The following ACP6 variants were observed in gnomAD, a reference collection of about 807,000 sequenced individuals.
ACP6 encodes the protein lysophosphatidic acid phosphatase type 6.
A neutral mutation model predicts 48.1 loss-of-function variants in ACP6; 48 were observed. That is an observed-to-expected ratio of 1.00 (90% CI 0.79 to 1.27). The LOEUF is 1.27. ACP6 is among the 50% of genes most tolerant of loss of function. ACP6 has a pLI of 0.00. For synonymous variants in ACP6, 172 were observed against 204.2 expected (o/e 0.84, Z 1.34); for missense variants, 485 against 529.1 (o/e 0.92, Z 0.82).
rs1389753653 is a variant in ACP6, at chr1:147,645,414, CT to C, written c.*2008del. On this transcript the variant is annotated 3_prime_UTR_variant, in exon 10 of 10. Transcript: ENST00000583509. Reference sequence around the variant, plus strand: ...TCAAACTGGAAATTCTTGAGATCACCTAGTGGGTGAGTGTAGGGGAAAAGGT... The same window carrying C: ...TCAAACTGGAAATTCTTGAGATCACCAGTGGGTGAGTGTAGGGGAAAAGGT... 1 of 152,082 alleles carries C rather than the reference CT, an allele frequency of 6.6e-6. No homozygotes were observed. 9.4% of individuals were successfully genotyped at this position (152,082 alleles called of 1,614,324 possible).
intron 7 of ACP6, chr1:147,651,486 T>C (rs1039931106): frequency 1.2e-4 from 18 of 152,084 alleles, no homozygotes; most frequent in African/African-American, 4.3e-4. Context: ...CAGCTTAAAA[T>C]ATTTACTAAA....
rs2148901071 is a variant in ACP6, at chr1:147,645,598, C to T, written c.*1825G>A. 1 of 152,298 alleles carries T rather than the reference C, an allele frequency of 6.6e-6. No individual in the cohort carries two copies. The highest frequency in any genetic ancestry group is 2.1e-4 in the South Asian group (1 of 4,820). The allele number at this position is 152,298 out of a possible 1,614,324, so 9.4% of individuals were successfully genotyped here. ...ATAGTCTAGGAATACTGATGAGAAG[C>T]TTAGTAAGAAGAATGAAAACTGGCT... On this transcript the variant is annotated 3_prime_UTR_variant, in exon 10 of 10. Coordinates refer to ENST00000583509, the MANE Select transcript of ACP6 (RefSeq NM_016361.5).
At chr1:147,629,731 AT>A (rs1487099214) in exon 6 of ACP6, 1 of 152,226 alleles carries the variant, frequency 6.6e-6, no homozygotes. Context: ...GTGGCCAAAC[AT>A]TTCCTATTGG....
downstream of ACP6, among the ~76,000 whole-genome samples, chr1:147,641,826 C>G (rs971449851): frequency 5.3e-5 from 8 of 152,210 alleles, no homozygotes; most frequent in Non-Finnish European, 8.8e-5. Flanking sequence ...TACAAATCTC[C>G]TGCACACACA....
chr1:147,650,680 C>T (rs1659874700), intron 7 of ACP6: 1 of 154,234 alleles, frequency 6.5e-6, no homozygotes, highest in African/African-American at 2.4e-5. Flanking sequence ...GCCAGCCTTC[C>T]TTCTTTTGGA....
In ACP6 at chr1:147,642,999, T is replaced by C; in HGVS notation, c.*4424A>G. On this transcript the variant is annotated 3_prime_UTR_variant, in exon 10 of 10. Coordinates refer to ENST00000583509, the MANE Select transcript of ACP6 (RefSeq NM_016361.5). ...GCATTGGTTTCTTCTGAGGCCTCTCTCCTTGACTTGCAGATAGTCATCTTC... is the reference window on the plus strand; with the variant it reads ...GCATTGGTTTCTTCTGAGGCCTCTCCCCTTGACTTGCAGATAGTCATCTTC... The C allele has an allele frequency of 6.6e-6, 1 of 152,354 alleles. No homozygotes were observed. 9.4% of individuals were successfully genotyped at this position (152,354 alleles called of 1,614,324 possible).
rs1659547384 is a variant in ACP6 at position 147,644,370 on chromosome 1, G to C, written c.*3053C>G. 6.6e-6 allele frequency: 1 copy of C among 152,214 alleles called. No individual in the cohort carries two copies. The highest frequency in any genetic ancestry group is 2.4e-5 in the African/African-American group (1 of 41,442). The allele number at this position is 152,214 out of a possible 1,614,324, so 9.4% of individuals were successfully genotyped here. ...ATGGTAAGATGGCGAGTATGGCTGGGGTGCAGTGAGATGTCATAGGACCGT... is the reference window on the plus strand; with the variant it reads ...ATGGTAAGATGGCGAGTATGGCTGGCGTGCAGTGAGATGTCATAGGACCGT... On this transcript the variant is annotated 3_prime_UTR_variant, in exon 10 of 10. Coordinates refer to ENST00000583509, the MANE Select transcript of ACP6 (RefSeq NM_016361.5).
downstream of ACP6, among the ~76,000 whole-genome samples, chr1:147,639,021 T>C (rs2101644626): frequency 6.6e-6 from 1 of 152,244 alleles, no homozygotes; most frequent in South Asian, 2.1e-4. Context: ...CACGTAAAGC[T>C]GAATTTTAAA....
Position 147,670,138 on chromosome 1 carries a change from A to C in ACP6, c.-90T>G. The stretch of plus-strand genomic sequence containing the variant: ...CGCCGGGGCTCAGCGGGCGCCCCCA[A>C]GTCCGCGGGAACCTGCGGATGCGTA... On this transcript the variant is annotated 5_prime_UTR_variant, in exon 1 of 10. Transcript: ENST00000583509. 7 of 1,266,014 alleles carry C rather than the reference A, an allele frequency of 5.5e-6. No individual in the cohort carries two copies. Among genetic ancestry groups the C allele is most frequent in the South Asian group, 1.6e-5 (1 of 63,412 alleles). The allele number at this position is 1,266,014 out of a possible 1,614,324, so 78.4% of individuals were successfully genotyped here.
At chr1:147,668,326 C>A (rs587663931) in intron 1 of ACP6, among the ~76,000 whole-genome samples, 104 of 152,060 alleles carry the variant, frequency 6.8e-4, no homozygotes, top group African/African-American at 2.5e-3. Context: ...GACCTTTCAA[C>A]CATAAAGGCA....
At chr1:147,663,747 T>A (rs1660661784) in intron 1 of ACP6, among the ~76,000 whole-genome samples, 1 of 152,170 alleles carries the variant, frequency 6.6e-6, no homozygotes, top group African/African-American at 2.4e-5. Context: ...GCCCACTGTT[T>A]CTGCATCTTC....
At position 147,647,299 on chromosome 1, in the gene ACP6, T is replaced by C. The variant is rs1271604245; in HGVS notation, c.*124A>G. The C allele has an allele frequency of 6.0e-6, 7 of 1,161,044 alleles. No individual in the cohort carries two copies. The Admixed American group carries it at 1.6e-4, about 27-fold the overall frequency. 71.9% of individuals were successfully genotyped at this position (1,161,044 alleles called of 1,614,324 possible). A position where few individuals can be genotyped will look rare whatever the true frequency, so the allele number is the denominator to read the frequency against. On this transcript the variant is annotated 3_prime_UTR_variant, in exon 10 of 10. Transcript: ENST00000583509. ...TCTTAGTAAACCCACAGAAAGGAAA[T>C]ATCCTTACATTATATTAAAGTACAT...
At position 147,643,179 on chromosome 1, in the gene ACP6, T is replaced by C. The variant is rs1463453539; in HGVS notation, c.*4244A>G. 1 of 152,228 alleles carries C rather than the reference T, an allele frequency of 6.6e-6. No homozygotes were observed. The highest frequency in any genetic ancestry group is 2.4e-5 in the African/African-American group (1 of 41,450). 9.4% of individuals were successfully genotyped at this position (152,228 alleles called of 1,614,324 possible). On this transcript the variant is annotated 3_prime_UTR_variant, in exon 10 of 10. Coordinates refer to ENST00000583509, the MANE Select transcript of ACP6 (RefSeq NM_016361.5). ...TACATTCAGTCCTCAACATCATTGA[T>C]AGGTTCTTGGAAACTGTAGCTTTAA...
At chr1:147,635,591 C>G (rs1292363651) in intron 5 of ACP6, among the ~76,000 whole-genome samples, 1 of 152,096 alleles carries the variant, frequency 6.6e-6, no homozygotes, top group Non-Finnish European at 1.5e-5. Context: ...GGGAGAAGTC[C>G]TTGTTGGGGT....
At chr1:147,632,518 G>A (rs587693066) in intron 5 of ACP6, among the ~76,000 whole-genome samples, 2 of 152,124 alleles carry the variant, frequency 1.3e-5, no homozygotes, top group Admixed American at 6.5e-5. Flanking sequence ...ACACGAATGA[G>A]GAAATGGCAG....
At chr1:147,653,776 A>G (rs1004846677) in intron 6 of ACP6, among the ~76,000 whole-genome samples, 4 of 152,224 alleles carry the variant, frequency 2.6e-5, no homozygotes, top group African/African-American at 9.7e-5. Flanking sequence ...AGGAAAACAG[A>G]TTTAAAGATT....
At chr1:147,667,879 A>G (rs1660878660) in intron 1 of ACP6, among the ~76,000 whole-genome samples, 2 of 152,010 alleles carry the variant, frequency 1.3e-5, no homozygotes, top group Admixed American at 6.6e-5. Flanking sequence ...AGTCTCAGCT[A>G]CTCGGGAGGC....
rs782438282 is a variant in ACP6 at position 147,647,528 on chromosome 1, C to T, written c.1182G>A (p.Pro394=). 76 of 1,613,712 alleles carry T rather than the reference C, an allele frequency of 4.7e-5. 1 individual carries two copies. The highest frequency in any genetic ancestry group is 8.9e-5 in the East Asian group (4 of 44,892). ...ACATGGCATTCAAGAACATGTCCAG[C>T]GGGCAGAGCCCATCAGGGCAACCTC... The part of the protein sequence containing the change: ...VPRGCPDGLC[P]LDMFLNAMSV... The change falls in exon 10 of 10, where the codon CCG becomes CCA. Residue 394 remains proline (P), a synonymous_variant. Coordinates refer to ENST00000583509, the MANE Select transcript of ACP6 (RefSeq NM_016361.5).
intron 4 of ACP6, among the ~76,000 whole-genome samples, chr1:147,655,704 G>A (rs1553211492): frequency 6.6e-6 from 1 of 152,098 alleles, no homozygotes; most frequent in Non-Finnish European, 1.5e-5. Context: ...TGAGAAAAGT[G>A]GACACAAGGC....
Sources: allele counts gnomAD v4.1 joint callset (sites outside exome capture counted in the v4.1 genomes callset), GRCh38; gene constraint gnomAD v4.1.1; transcripts MANE v1.5; gene names NCBI Gene and HGNC (gene_info 2026-07-23, HGNC 2026-07-21).